NAV3: variants seen among roughly 807,000 people sequenced by gnomAD.
NAV3 encodes the protein neuron navigator 3, also known as pore membrane and/or filament interacting like protein 1.
Under a neutral mutation model 244.7 loss-of-function variants are expected in NAV3, and 87 were observed. The ratio of observed to expected loss-of-function variants is 0.36; its 90% CI spans 0.30 to 0.42. The LOEUF (loss-of-function observed/expected upper bound fraction) is 0.42. NAV3 is among the 20% of genes least tolerant of loss of function. The probability of loss-of-function intolerance (pLI) is 1.00; values close to 1 mark genes in which losing one functional copy is unlikely to be tolerated. For synonymous variants in NAV3, 1,126 were observed against 1,042.2 expected, an observed-to-expected ratio of 1.08 and a Z score of -1.55; for missense variants, 2,663 against 2,893.3, an observed-to-expected ratio of 0.92 and a Z score of 1.83.
At chr12:77,986,505 G>A (rs1870538407) in intron 5 of NAV3, among the ~76,000 whole-genome samples, 1 of 152,144 alleles carries the variant, frequency 6.6e-6, no homozygotes, top group Non-Finnish European at 1.5e-5. Context: ...AGAATCCAAA[G>A]AGCTAAAGTC....
At position 78,007,167 on chromosome 12, in the gene NAV3, T is replaced by C. The variant is rs1361417652; in HGVS notation, c.1629T>C (p.Pro543=). The C allele has an allele frequency of 6.2e-7, 1 of 1,614,166 alleles. No individual in the cohort carries two copies. The highest frequency in any genetic ancestry group is 2.2e-5 in the East Asian group (1 of 44,874). ...CAACAGTAAAGCAAACCATTTCACCTGGCAGCACAGCAAGCAAAGAGTCTG... is the reference window on the plus strand; with the variant it reads ...CAACAGTAAAGCAAACCATTTCACCCGGCAGCACAGCAAGCAAAGAGTCTG... ...KVPTVKQTIS[P]GSTASKESEK... The change falls in exon 8 of 40, where the codon CCT becomes CCC. Residue 543 remains proline (P), a synonymous_variant. Transcript: ENST00000397909.
At chr12:78,177,762 A>G (rs929522929) in intron 28 of NAV3, 77 bp downstream of exon 28, 3 of 1,305,318 alleles carry the variant, frequency 2.3e-6, no homozygotes, top group Non-Finnish European at 3.2e-6. Flanking sequence ...TGCTTTTTCT[A>G]AAATCACTCA....
intron 8 of NAV3, among the ~76,000 whole-genome samples, chr12:78,011,142 A>T (rs1483555638): frequency 6.6e-6 from 1 of 152,186 alleles, no homozygotes; most frequent in African/African-American, 2.4e-5. Context: ...GAAGTTCCTG[A>T]TAACTAGAGC....
intron 2 of NAV3, among the ~76,000 whole-genome samples, chr12:77,590,609 C>A (rs1869861670): frequency 6.6e-6 from 1 of 152,174 alleles, no homozygotes; most frequent in African/African-American, 2.4e-5. Flanking sequence ...AACAAATCCC[C>A]ATGACATAAG....
intron 2 of NAV3, among the ~76,000 whole-genome samples, chr12:77,655,425 G>T (rs1442521991): frequency 6.6e-6 from 1 of 152,104 alleles, no homozygotes; most frequent in African/African-American, 2.4e-5. Context: ...AAAAAGAAAC[G>T]AACAAAGCCT....
Position 77,609,176 on chromosome 12 carries a change from G to C in NAV3, c.72+36910G>C, listed in dbSNP as rs370127741. 1.2e-4 allele frequency among the ~76,000 whole-genome samples: 18 copies of C among 151,832 alleles called. No homozygotes were observed. The East Asian group carries it at 1.5e-3, about 13-fold the overall frequency. On this transcript the variant is annotated intron_variant, in intron 2 of 8. Coordinates refer to the NAV3 transcript ENST00000550042. ...TGATTTGTGTACAATTCTATGCATG[G>C]GTGTCATGCTTCAATTAAAGAATCA...
At chr12:77,873,734 ATGTGTGTGTG>A (rs374693432) in intron 1 of NAV3, among the ~76,000 whole-genome samples, 2 of 85,290 alleles carry the variant, frequency 2.3e-5, no homozygotes, top group Admixed American at 1.2e-4. Flanking sequence ...CTAAATACAT[ATGTGTGTGTG>A]TATATATATA....
chr12:77,991,135 C>T (rs1438592994), intron 5 of NAV3, among the ~76,000 whole-genome samples: 1 of 152,268 alleles, frequency 6.6e-6, no homozygotes, highest in East Asian at 1.9e-4. Context: ...AAGCAATTCT[C>T]CTGCCTCAGC....
chr12:77,598,912 A>G (rs1870296112), intron 2 of NAV3, among the ~76,000 whole-genome samples: 1 of 152,006 alleles, frequency 6.6e-6, no homozygotes, highest in African/African-American at 2.4e-5. Context: ...GGTATTGTTA[A>G]CTGTAGGTAC....
At chr12:77,699,027 A>G (rs1159192036) in intron 2 of NAV3, among the ~76,000 whole-genome samples, 1 of 152,158 alleles carries the variant, frequency 6.6e-6, no homozygotes, top group Non-Finnish European at 1.5e-5. Flanking sequence ...GCAAACATAT[A>G]TACTCTAGAT....
chr12:78,017,491 A>T (rs1173611731), intron 8 of NAV3, among the ~76,000 whole-genome samples: 1 of 152,144 alleles, frequency 6.6e-6, no homozygotes, highest in African/African-American at 2.4e-5. Context: ...TGTATCTTAT[A>T]GTTTCAATAG....
At chr12:78,150,297 T>A (rs572273019) in intron 22 of NAV3, among the ~76,000 whole-genome samples, 1 of 152,176 alleles carries the variant, frequency 6.6e-6, no homozygotes, top group South Asian at 2.1e-4. Flanking sequence ...GTCAGGATAC[T>A]TGCAGATGTC....
rs533885605 is a variant in NAV3 at position 77,920,689 on chromosome 12, TA to T, written c.244-19629del. ...ACACCTTCTGGTTCATGTAGGCGAA[TA>T]TTTGTCATCTTTTTCCACTTGATTC... On this transcript the variant is annotated intron_variant, in intron 1 of 39. Transcript: ENST00000397909. Among the ~76,000 whole-genome samples the T allele has an allele frequency of 1.2e-3, 186 of 152,214 alleles. 2 individuals carry two copies. Among genetic ancestry groups the T allele is most frequent in the African/African-American group, 3.7e-3 (155 of 41,568 alleles).
intron 1 of NAV3, among the ~76,000 whole-genome samples, chr12:77,932,019 G>T (rs1888858082): frequency 6.6e-6 from 1 of 152,064 alleles, no homozygotes; most frequent in African/African-American, 2.4e-5. Flanking sequence ...GGTACCATGA[G>T]TGTCAGTATC....
At chr12:77,829,686 T>C (rs928488650), upstream of NAV3, among the ~76,000 whole-genome samples, 4 of 152,190 alleles carry the variant, frequency 2.6e-5, no homozygotes, top group African/African-American at 9.7e-5. Flanking sequence ...TAAAGCCCAC[T>C]TGGGTTACTA....
chr12:77,837,495 T>C (rs1443871560), intron 1 of NAV3, among the ~76,000 whole-genome samples: 1 of 152,082 alleles, frequency 6.6e-6, no homozygotes, highest in Admixed American at 6.6e-5. Context: ...GTCCTCACAA[T>C]AGCCTTATGG....
intron 9 of NAV3, among the ~76,000 whole-genome samples, chr12:78,047,215 C>T (rs766527106): frequency 1.2e-4 from 19 of 152,066 alleles, no homozygotes; most frequent in East Asian, 5.8e-4. Flanking sequence ...AGGCCAGGTG[C>T]GGTGGCTCAC....
intron 12 of NAV3, 59 bp from the exon 13 acceptor site, chr12:78,116,713 G>A (rs2138511439): frequency 7.1e-7 from 1 of 1,416,300 alleles, no homozygotes; most frequent in South Asian, 1.8e-5. Flanking sequence ...TGGAAATGTA[G>A]GTGACTTGCA....
intron 1 of NAV3, among the ~76,000 whole-genome samples, chr12:77,841,468 A>G (rs569938825): frequency 6.6e-6 from 1 of 152,324 alleles, no homozygotes; most frequent in South Asian, 2.1e-4. Flanking sequence ...CTTCTATAAC[A>G]GATAAAACCT....
Sources: allele counts gnomAD v4.1 joint callset (sites outside exome capture counted in the v4.1 genomes callset), GRCh38; gene constraint gnomAD v4.1.1; transcripts MANE v1.5; gene names NCBI Gene and HGNC (gene_info 2026-07-23, HGNC 2026-07-21).